The following LMO7 variants were observed in gnomAD, a reference collection of about 807,000 sequenced individuals.
LMO7 encodes LIM domain 7, also known as LIM domain only protein 7.
Under a neutral mutation model 206.5 loss-of-function variants are expected in LMO7, and 120 were observed. That is an observed-to-expected ratio of 0.58 (90% CI 0.50 to 0.68). The LOEUF (loss-of-function observed/expected upper bound fraction) is 0.68, where lower values mean the gene tolerates loss of function less well. LMO7 is among the 30% of genes least tolerant of loss of function. LMO7 has a pLI of 0.00. For synonymous variants in LMO7, 706 were observed against 681.5 expected (o/e 1.04, Z -0.56); for missense variants, 1,959 against 1,957.9 (o/e 1.00, Z -0.01).
At chr13:75,656,178 G>A (rs940573287) in intron 1 of LMO7, among the ~76,000 whole-genome samples, 2 of 152,092 alleles carry the variant, frequency 1.3e-5, no homozygotes, top group East Asian at 1.9e-4. Context: ...TCCACTCTTC[G>A]TCTTCCAGTT....
intron 1 of LMO7, among the ~76,000 whole-genome samples, chr13:75,711,900 A>C (rs2043158970): frequency 6.6e-6 from 1 of 152,264 alleles, no homozygotes; most frequent in South Asian, 2.1e-4. Context: ...GTAAAGCAGC[A>C]GTGCAGCCCT....
intron 4 of LMO7, 94 bp downstream of exon 4, chr13:75,761,132 A>C (rs980211713): frequency 2.4e-5 from 19 of 799,118 alleles, no homozygotes; most frequent in African/African-American, 2.3e-4. Flanking sequence ...TCATGATTAC[A>C]GAAAAATTCT....
At chr13:75,832,915 A>G in intron 15 of LMO7, 136 bp from the exon 16 acceptor site, 1 of 539,648 alleles carries the variant, frequency 1.9e-6, no homozygotes, top group East Asian at 2.9e-5. Flanking sequence ...CCTAAGGAAG[A>G]AAGAATGAAG....
chr13:75,837,847 G>T (rs996022864), intron 19 of LMO7, among the ~76,000 whole-genome samples: 1 of 152,072 alleles, frequency 6.6e-6, no homozygotes, highest in African/African-American at 2.4e-5. Flanking sequence ...AAAACGGCGT[G>T]ATCTAGCATG....
In LMO7 at chr13:75,677,433, G is replaced by T. The variant is rs143658205; in HGVS notation, c.70-35749G>T. Among the ~76,000 whole-genome samples, 1,160 of 152,170 alleles carry T rather than the reference G, an allele frequency of 7.6e-3. 19 individuals carry two copies. The highest frequency in any genetic ancestry group is 0.026 in the African/African-American group (1,087 of 41,486). ...TCAACAGATATTTGAGTACCTACTGGCTAAAAAAGCCAGTGACTTTTCTAC... is the reference window on the plus strand; with the variant it reads ...TCAACAGATATTTGAGTACCTACTGTCTAAAAAAGCCAGTGACTTTTCTAC... On this transcript the variant is annotated intron_variant, in intron 1 of 30. Transcript: ENST00000377534.
chr13:75,848,321 T>C (rs2060156596), intron 26 of LMO7, among the ~76,000 whole-genome samples: 1 of 152,218 alleles, frequency 6.6e-6, no homozygotes, highest in Non-Finnish European at 1.5e-5. Flanking sequence ...CGATGTTTGG[T>C]TTTCCATTCC....
chr13:75,701,461 G>A (rs1470947369), intron 1 of LMO7, among the ~76,000 whole-genome samples: 1 of 152,170 alleles, frequency 6.6e-6, no homozygotes, highest in Non-Finnish European at 1.5e-5. Context: ...TTCACAGGGA[G>A]GTAAGTAGGT....
chr13:75,823,726 G>A lies in LMO7; in HGVS notation c.2802G>A (p.Leu934=). Residue 934 remains leucine (L), a synonymous_variant, in exon 15 of 31, where the codon CTG becomes CTA. Coordinates refer to ENST00000377534, the MANE Select transcript of LMO7 (RefSeq NM_001306080.2). The part of the protein sequence containing the change: ...VAATEEDVTR[L]PSPTSPFSSL... ...CAACAGAAGAAGATGTGACAAGGCT[G>A]CCCTCTCCTACATCCCCCTTCTCAT... is the stretch of plus-strand genomic sequence containing the variant. The A allele has an allele frequency of 6.2e-7, 1 of 1,614,102 alleles. No individual in the cohort carries two copies.
chr13:75,736,543 T>A (rs1381057389), intron 3 of LMO7, among the ~76,000 whole-genome samples: 1 of 152,220 alleles, frequency 6.6e-6, no homozygotes, highest in East Asian at 1.9e-4. Flanking sequence ...GGTTGAAGAT[T>A]TTTCTAGTTT....
chr13:75,804,934 CT>C, intron 8 of LMO7: 1 of 1,004,318 alleles, frequency 1.0e-6, no homozygotes, highest in Non-Finnish European at 1.2e-6. Flanking sequence ...GCAAATCCAG[CT>C]TCCTCTCATG....
chr13:75,648,471 TC>T (rs1256239878), intron 1 of LMO7, among the ~76,000 whole-genome samples: 1 of 152,186 alleles, frequency 6.6e-6, no homozygotes, highest in Non-Finnish European at 1.5e-5. Context: ...TCATTCATCT[TC>T]CTCTGTTTCT....
At chr13:75,805,798 A>C in intron 9 of LMO7, 38 bp downstream of exon 9, 1 of 1,596,350 alleles carries the variant, frequency 6.3e-7, no homozygotes, top group African/African-American at 1.3e-5. Context: ...ACCAGTGTTC[A>C]TTCAGTACCC....
At chr13:75,621,651 G>A (rs747320767) in exon 1 of LMO7, 1 of 1,219,186 alleles carries the variant, frequency 8.2e-7, no homozygotes, top group Non-Finnish European at 1.1e-6. Context: ...TTCAATATAT[G>A]GGTACGGTCT....
chr13:75,671,663 A>T (rs2039593191), intron 1 of LMO7, among the ~76,000 whole-genome samples: 1 of 152,216 alleles, frequency 6.6e-6, no homozygotes, highest in Non-Finnish European at 1.5e-5. Flanking sequence ...ATGAAATGAG[A>T]GCTAATTCTC....
chr13:75,650,233 G>A (rs1416052074), intron 1 of LMO7, among the ~76,000 whole-genome samples: 1 of 152,062 alleles, frequency 6.6e-6, no homozygotes, highest in Non-Finnish European at 1.5e-5. Context: ...GGGTTCAAGC[G>A]ATTCTCCTGC....
Position 75,804,391 on chromosome 13 carries a change from C to T in LMO7, c.764C>T (p.Ala255Val), listed in dbSNP as rs375314137. ...ATTTCGGCTGTTGAGCCAAAGACTG[C>T]GTTACCCTTCAATCGTTTTTTACCC... ...RRISAVEPKT[A>V]LPFNRFLPNK... Residue 255 changes from alanine to valine, a missense_variant, in exon 8 of 31, where the codon GCG (alanine) becomes GTG (valine). Coordinates refer to ENST00000377534, the MANE Select transcript of LMO7 (RefSeq NM_001306080.2). 7.6e-5 allele frequency: 123 copies of T among 1,614,028 alleles called. No individual in the cohort carries two copies. Among genetic ancestry groups the T allele is most frequent in the Non-Finnish European group, 9.2e-5 (109 of 1,180,018 alleles).
intron 4 of LMO7, among the ~76,000 whole-genome samples, chr13:75,793,842 G>T (rs1289194141): frequency 6.6e-6 from 1 of 152,080 alleles, no homozygotes; most frequent in Non-Finnish European, 1.5e-5. Context: ...TCCCACAAGG[G>T]TAACCACTAC....
At chr13:75,674,469 G>T (rs2039847862) in intron 1 of LMO7, among the ~76,000 whole-genome samples, 1 of 152,196 alleles carries the variant, frequency 6.6e-6, no homozygotes, top group Admixed American at 6.5e-5. Context: ...GAAAATTGCT[G>T]TGGATTGTGC....
chr13:75,764,148 T>C (rs532428259), intron 4 of LMO7, among the ~76,000 whole-genome samples: 1 of 152,272 alleles, frequency 6.6e-6, no homozygotes, highest in Admixed American at 6.5e-5. Context: ...AATTTTGATA[T>C]TCCTGACTTA....
Sources: allele counts gnomAD v4.1 joint callset (sites outside exome capture counted in the v4.1 genomes callset), GRCh38; gene constraint gnomAD v4.1.1; transcripts MANE v1.5; gene names NCBI Gene and HGNC (gene_info 2026-07-23, HGNC 2026-07-21).